The following PLEKHA5 variants were observed in gnomAD, a reference collection of about 807,000 sequenced individuals.
PLEKHA5 encodes pleckstrin homology domain containing A5.
A neutral mutation model predicts 181.9 loss-of-function variants in PLEKHA5; 55 were observed. The observed-to-expected ratio is 0.30, with a 90% confidence interval of 0.24 to 0.38. The LOEUF (loss-of-function observed/expected upper bound fraction) is 0.38. PLEKHA5 is among the 10% of genes least tolerant of loss of function. The probability of loss-of-function intolerance (pLI) is 1.00; values close to 1 mark genes in which losing one functional copy is unlikely to be tolerated. For missense variants in PLEKHA5, 1,432 were observed against 1,549.5 expected (o/e 0.92, Z 1.27); for synonymous variants, 535 against 529.4 (o/e 1.01, Z -0.15).
At chr12:19,249,578 A>C (rs2064723581) in intron 3 of PLEKHA5, among the ~76,000 whole-genome samples, 1 of 152,240 alleles carries the variant, frequency 6.6e-6, no homozygotes, top group African/African-American at 2.4e-5. Flanking sequence ...GCAAAACCAC[A>C]GATAAGGGAG....
At chr12:19,269,081 A>AT (rs2071610459) in intron 8 of PLEKHA5, among the ~76,000 whole-genome samples, 1 of 152,102 alleles carries the variant, frequency 6.6e-6, no homozygotes, top group Admixed American at 6.5e-5. Flanking sequence ...AATAAAGAAT[A>AT]TTTATTCAAG....
At chr12:19,181,630 G>T (rs920373226) in intron 3 of PLEKHA5, among the ~76,000 whole-genome samples, 1 of 152,070 alleles carries the variant, frequency 6.6e-6, no homozygotes. Context: ...CAAAAAATTA[G>T]CCGGGTGTGG....
intron 3 of PLEKHA5, among the ~76,000 whole-genome samples, chr12:19,183,598 T>G (rs1029658816): frequency 6.6e-6 from 1 of 152,212 alleles, no homozygotes; most frequent in Non-Finnish European, 1.5e-5. Context: ...GGTTTGGGTT[T>G]CAATGATTGA....
At chr12:19,256,308 T>G (rs752065031) in intron 5 of PLEKHA5, among the ~76,000 whole-genome samples, 4 of 152,066 alleles carry the variant, frequency 2.6e-5, no homozygotes, top group Non-Finnish European at 5.9e-5. Context: ...AGGCATTCGG[T>G]TTATATAGTG....
intron 16 of PLEKHA5, among the ~76,000 whole-genome samples, chr12:19,316,801 A>G (rs2088951308): frequency 6.6e-6 from 1 of 152,178 alleles, no homozygotes; most frequent in Non-Finnish European, 1.5e-5. Flanking sequence ...CTGAAATTAT[A>G]TTTTATTTTT....
intron 15 of PLEKHA5, among the ~76,000 whole-genome samples, chr12:19,308,868 C>T (rs1389129432): frequency 6.6e-6 from 1 of 151,580 alleles, no homozygotes; most frequent in Non-Finnish European, 1.5e-5. Context: ...GCTAACATGG[C>T]GAAACCTTGT....
chr12:19,280,057 T>C (rs1218998703), intron 11 of PLEKHA5, among the ~76,000 whole-genome samples: 1 of 138,436 alleles, frequency 7.2e-6, no homozygotes, highest in East Asian at 2.1e-4. Context: ...TTTTTTTTTT[T>C]TTTTTTTTGG....
In PLEKHA5 at chr12:19,204,495, G is replaced by A. The variant is rs80256548; in HGVS notation, c.228-49445G>A. Among the ~76,000 whole-genome samples the A allele has an allele frequency of 3.7e-3, 556 of 152,200 alleles. 5 individuals carry two copies. Among genetic ancestry groups the A allele is most frequent in the East Asian group, 0.026 (136 of 5,180 alleles). Reference sequence around the variant, plus strand: ...TCTTGACCATATTTTCATCATCCCAGACTAATGGCCATTGCAGCAATTTAC... The same window carrying A: ...TCTTGACCATATTTTCATCATCCCAAACTAATGGCCATTGCAGCAATTTAC... On this transcript the variant is annotated intron_variant, in intron 3 of 31. Coordinates refer to ENST00000429027, the MANE Select transcript of PLEKHA5 (RefSeq NM_001256470.2).
intron 26 of PLEKHA5, among the ~76,000 whole-genome samples, chr12:19,357,876 G>A (rs1305041092): frequency 6.6e-6 from 1 of 152,014 alleles, no homozygotes; most frequent in Admixed American, 6.6e-5. Context: ...CTGGGCTCAA[G>A]TAATCCACCC....
intron 13 of PLEKHA5, among the ~76,000 whole-genome samples, chr12:19,289,229 CTG>C (rs2077874547): frequency 1.3e-5 from 2 of 152,200 alleles, no homozygotes; most frequent in South Asian, 4.1e-4. Context: ...CAGTAAAAAA[CTG>C]TTGTCTCACC....
rs117045914 is a variant in PLEKHA5, at chr12:19,215,953, A to C, written c.228-37987A>C. On this transcript the variant is annotated intron_variant, in intron 3 of 31. Coordinates refer to ENST00000429027, the MANE Select transcript of PLEKHA5 (RefSeq NM_001256470.2). ...ATTGTTTTTTTCTAGAAAACTTAAA[A>C]GATAAGTGTAAGCAATAAAATATAG... 1.7e-3 allele frequency among the ~76,000 whole-genome samples: 260 copies of C among 152,358 alleles called. 3 individuals are homozygous for C. The East Asian group carries it at 0.027, about 16-fold the overall frequency.
At chr12:19,262,614 A>G (rs574173792) in intron 7 of PLEKHA5, among the ~76,000 whole-genome samples, 1 of 152,184 alleles carries the variant, frequency 6.6e-6, no homozygotes, top group Non-Finnish European at 1.5e-5. Flanking sequence ...GCTCAGGGAA[A>G]GGTGGGACTC....
intron 3 of PLEKHA5, chr12:19,147,164 T>C (rs1296523857): frequency 6.6e-6 from 1 of 152,206 alleles, no homozygotes; most frequent in Non-Finnish European, 1.5e-5. Flanking sequence ...GTCTTCCTCT[T>C]ATATAGATTT....
chr12:19,145,743 T>C (rs917111061), intron 3 of PLEKHA5, among the ~76,000 whole-genome samples: 2 of 152,034 alleles, frequency 1.3e-5, no homozygotes, highest in African/African-American at 4.8e-5. Context: ...ATCTTTGTGG[T>C]CACATGCAAA....
chr12:19,290,815 T>G lies in PLEKHA5; in HGVS notation c.1983+19T>G, dbSNP rs772688575. Reference sequence around the variant, plus strand: ...CCCAAAGGTCAGCTATGGAGAGATTTGTCTGTGTCGTCTGCCATCATCTCT... The same window carrying G: ...CCCAAAGGTCAGCTATGGAGAGATTGGTCTGTGTCGTCTGCCATCATCTCT... On this transcript the variant is annotated intron_variant, in intron 14 of 31. Transcript: ENST00000429027. 2.0e-6 allele frequency: 3 copies of G among 1,518,532 alleles called. No homozygotes were observed. In the South Asian group the frequency reaches 3.7e-5, roughly 19 times the overall value. 94.1% of individuals were successfully genotyped at this position (1,518,532 alleles called of 1,614,324 possible).
intron 25 of PLEKHA5, among the ~76,000 whole-genome samples, chr12:19,348,854 C>CTA (rs2094456064): frequency 6.6e-6 from 1 of 151,908 alleles, no homozygotes; most frequent in Admixed American, 6.6e-5. Flanking sequence ...CCCAGTTACC[C>CTA]GGGAGGCTGA....
intron 16 of PLEKHA5, among the ~76,000 whole-genome samples, chr12:19,318,641 G>A (rs1296888399): frequency 3.3e-5 from 5 of 152,064 alleles, no homozygotes; most frequent in Non-Finnish European, 7.4e-5. Context: ...AGCAAACTAC[G>A]GCTGGGCGTG....
At chr12:19,344,499 T>C (rs2094175403) in intron 22 of PLEKHA5, among the ~76,000 whole-genome samples, 1 of 152,212 alleles carries the variant, frequency 6.6e-6, no homozygotes, top group South Asian at 2.1e-4. Context: ...GGATAATGTA[T>C]GTTGTTTCCA....
At chr12:19,157,518 A>G (rs537624090) in intron 3 of PLEKHA5, among the ~76,000 whole-genome samples, 11 of 151,824 alleles carry the variant, frequency 7.2e-5, no homozygotes, top group Non-Finnish European at 2.9e-5. Context: ...ATCCGAAACT[A>G]TTTTTACTGG....
Sources: allele counts gnomAD v4.1 joint callset (sites outside exome capture counted in the v4.1 genomes callset), GRCh38; gene constraint gnomAD v4.1.1; transcripts MANE v1.5; gene names NCBI Gene and HGNC (gene_info 2026-07-23, HGNC 2026-07-21).